Variants in STAC observed in about 807,000 individuals in gnomAD.
STAC encodes SH3 and cysteine rich domain, also known as SH3 and cysteine-rich domain-containing protein.
STAC carries 43 observed loss-of-function variants against 48.8 expected under a neutral mutation model. The observed-to-expected ratio is 0.88, with a 90% CI of 0.69 to 1.14. The LOEUF is 1.14. STAC is among the 50% of genes most tolerant of loss of function. The probability of loss-of-function intolerance (pLI) is 0.00; values close to 1 mark genes in which losing one functional copy is unlikely to be tolerated. For synonymous variants in STAC, 193 were observed against 179.5 expected, an observed-to-expected ratio of 1.07 and a Z score of -0.60; for missense variants, 497 against 504.0, an observed-to-expected ratio of 0.99 and a Z score of 0.13.
chr3:36,473,851 C>T (rs79846752), intron 2 of STAC, among the ~76,000 whole-genome samples: 235 of 152,154 alleles, frequency 1.5e-3, no homozygotes, highest in African/African-American at 5.2e-3. Flanking sequence ...TCAACAAAGC[C>T]GAGAACATTG....
chr3:36,468,605 T>C (rs1037264132), intron 2 of STAC, among the ~76,000 whole-genome samples: 2 of 148,462 alleles, frequency 1.3e-5, no homozygotes, highest in East Asian at 3.9e-4. Context: ...TATATTTATA[T>C]ATATATTTAT....
chr3:36,504,608 G>A, intron 7 of STAC, 151 bp downstream of exon 7: 1 of 646,874 alleles, frequency 1.5e-6, no homozygotes, highest in Admixed American at 2.6e-5. Context: ...CCATAGCATG[G>A]AATAAACAGA....
rs560209584 is a variant in STAC at position 36,388,271 on chromosome 3, A to G, written c.111+7517A>G. 1.6e-4 allele frequency among the ~76,000 whole-genome samples: 25 copies of G among 152,180 alleles called. 1 individual carries two copies. In the South Asian group the frequency reaches 5.0e-3, roughly 30 times the overall value. On this transcript the variant is annotated intron_variant, in intron 1 of 10. Transcript: ENST00000273183. The stretch of plus-strand genomic sequence containing the variant: ...TTATTCATCGAAAGGGTTATTTTTC[A>G]TGCCTTTTTATTACTTGTCTTTTTT...
In STAC at chr3:36,546,227, A is replaced by G; in HGVS notation, c.1147A>G (p.Ile383Val). 1.9e-6 allele frequency: 3 copies of G among 1,614,108 alleles called. No individual in the cohort carries two copies. Among genetic ancestry groups the G allele is most frequent in the South Asian group, 2.2e-5 (2 of 91,076 alleles). ...VSSEEEQDGF[I>V]RVLSGKKKGL... The stretch of plus-strand genomic sequence containing the variant: ...TTCTGAAGAAGAACAAGATGGTTTT[A>G]TCAGAGTCCTCAGTGGAAAAAAGAA... Residue 383 changes from isoleucine to valine, a missense_variant, in exon 11 of 11, where the codon ATC becomes GTC. Coordinates refer to ENST00000273183, the MANE Select transcript of STAC (RefSeq NM_003149.3).
At chr3:36,498,132 G>T (rs1321724805) in intron 6 of STAC, among the ~76,000 whole-genome samples, 1 of 151,994 alleles carries the variant, frequency 6.6e-6, no homozygotes, top group African/African-American at 2.4e-5. Context: ...ATCAAATTAA[G>T]AAATATATAA....
At chr3:36,470,621 C>T (rs1575221968) in intron 2 of STAC, among the ~76,000 whole-genome samples, 1 of 152,326 alleles carries the variant, frequency 6.6e-6, no homozygotes, top group Admixed American at 6.5e-5. Context: ...TAGCAGTGAT[C>T]CAGTTTCTTC....
intron 6 of STAC, among the ~76,000 whole-genome samples, chr3:36,502,381 G>T (rs919880661): frequency 7.2e-5 from 11 of 152,102 alleles, no homozygotes; most frequent in African/African-American, 2.2e-4. Flanking sequence ...GTTGGAATAG[G>T]TTTAAAAATT....
At chr3:36,421,959 A>AG (rs1164272367) in intron 1 of STAC, among the ~76,000 whole-genome samples, 3 of 152,128 alleles carry the variant, frequency 2.0e-5, no homozygotes, top group Non-Finnish European at 4.4e-5. Flanking sequence ...ATTTATTGAG[A>AG]GAAAAAAAGT....
chr3:36,527,508 A>C (rs2125731037), intron 8 of STAC, among the ~76,000 whole-genome samples: 1 of 152,306 alleles, frequency 6.6e-6, no homozygotes, highest in South Asian at 2.1e-4. Context: ...GCCCAAATAC[A>C]AAATAAATGA....
intron 1 of STAC, among the ~76,000 whole-genome samples, chr3:36,399,475 G>C (rs1419941298): frequency 6.6e-6 from 1 of 152,222 alleles, no homozygotes; most frequent in East Asian, 1.9e-4. Flanking sequence ...GCACGACACT[G>C]AGTAACATAG....
At chr3:36,481,284 T>G (rs1452595783) in intron 2 of STAC, among the ~76,000 whole-genome samples, 1 of 152,218 alleles carries the variant, frequency 6.6e-6, no homozygotes, top group Non-Finnish European at 1.5e-5. Context: ...CTCGCCAGTA[T>G]GATGAGCACC....
intron 8 of STAC, among the ~76,000 whole-genome samples, chr3:36,506,812 A>G (rs545890290): frequency 6.6e-6 from 1 of 152,308 alleles, no homozygotes; most frequent in Non-Finnish European, 1.5e-5. Context: ...TATCAGCTTA[A>G]GGAGATTTTG....
chr3:36,514,204 C>CT (rs765548085), intron 8 of STAC, among the ~76,000 whole-genome samples: 723 of 36,442 alleles, frequency 0.02, 97 homozygotes, highest in African/African-American at 0.044. Context: ...CACTGGCCTT[C>CT]TTTTTTTTTT....
intron 1 of STAC, among the ~76,000 whole-genome samples, chr3:36,407,126 C>T (rs1265861661): frequency 6.6e-6 from 1 of 152,170 alleles, no homozygotes; most frequent in African/African-American, 2.4e-5. Context: ...ACTATATGTT[C>T]ACTTAAGTGG....
intron 1 of STAC, among the ~76,000 whole-genome samples, chr3:36,400,878 T>C (rs73056097): frequency 0.07 from 10,700 of 152,318 alleles, 431 homozygotes; most frequent in Middle Eastern, 0.088. Flanking sequence ...TCCCTTCATA[T>C]GAAAGGGCTC....
chr3:36,396,911 T>C (rs902796293), intron 1 of STAC, among the ~76,000 whole-genome samples: 6 of 152,148 alleles, frequency 3.9e-5, no homozygotes, highest in African/African-American at 1.4e-4. Context: ...CATTTTACTA[T>C]CTCCTCCCAC....
chr3:36,509,270 T>A (rs1013131296), intron 8 of STAC, among the ~76,000 whole-genome samples: 6 of 151,938 alleles, frequency 3.9e-5, no homozygotes, highest in African/African-American at 1.2e-4. Flanking sequence ...CTTCTAGGGT[T>A]TCTGTTAGTC....
intron 2 of STAC, among the ~76,000 whole-genome samples, chr3:36,468,569 G>A (rs952141528): frequency 3.3e-4 from 49 of 150,260 alleles, no homozygotes; most frequent in African/African-American, 1.2e-3. Context: ...TTTTATAAAT[G>A]TGGGAGCTCC....
intron 8 of STAC, among the ~76,000 whole-genome samples, chr3:36,508,761 T>G (rs1575249332): frequency 6.6e-6 from 1 of 152,162 alleles, no homozygotes; most frequent in Non-Finnish European, 1.5e-5. Flanking sequence ...TTTCTTTCCA[T>G]TTGCTTGGTA....
Sources: gnomAD v4.1 joint callset for allele counts (sites outside exome capture counted in the v4.1 genomes callset) on GRCh38, gnomAD v4.1.1 for gene constraint, MANE v1.5 for transcripts, NCBI Gene and HGNC (gene_info 2026-07-23, HGNC 2026-07-21) for gene names.